Variants in EDA observed in about 807,000 individuals in gnomAD.
The protein encoded by EDA is ectodysplasin A.
A neutral mutation model predicts 23.6 loss-of-function variants in EDA; 2 were observed. The ratio of observed to expected loss-of-function variants is 0.08; its 90% CI spans 0.03 to 0.27. The LOEUF (loss-of-function observed/expected upper bound fraction) is 0.27. Ranked by LOEUF, EDA falls within the 10% of genes least tolerant of loss-of-function variation. EDA has a pLI of 1.00. For missense variants in EDA, 229 were observed against 324.2 expected, an observed-to-expected ratio of 0.71 and a Z score of 2.26; for synonymous variants, 131 against 132.0, an observed-to-expected ratio of 0.99 and a Z score of 0.05.
intron 1 of EDA, among the ~76,000 whole-genome samples, chrX:69,633,307 G>A (rs191788347): frequency 8.9e-6 from 1 of 112,331 alleles, no homozygotes; most frequent in East Asian, 2.8e-4. Flanking sequence ...ATGTTCCTCA[G>A]TGAATATTTA....
At chrX:69,956,305 T>TTCTTTC (rs1184314810) in intron 1 of EDA, among the ~76,000 whole-genome samples, 2 of 59,369 alleles carry the variant, frequency 3.4e-5, no homozygotes, top group South Asian at 1.2e-3. Context: ...CTTTCTTTCT[T>TTCTTTC]TCTTTCTCTT....
chrX:70,000,797 G>T (rs767246863), intron 2 of EDA, among the ~76,000 whole-genome samples: 53 of 112,191 alleles, frequency 4.7e-4, no homozygotes, highest in African/African-American at 1.7e-3. Context: ...GAAGCAATTT[G>T]CTCAGTGTCA....
At chrX:69,698,071 C>T (rs372609835) in intron 1 of EDA, among the ~76,000 whole-genome samples, 6 of 111,479 alleles carry the variant, frequency 5.4e-5, no homozygotes, top group Non-Finnish European at 1.1e-4. Context: ...TATGGGAGTG[C>T]GATAACCCCA....
chrX:69,859,017 A>G (rs2017320842), intron 1 of EDA, among the ~76,000 whole-genome samples: 1 of 111,783 alleles, frequency 8.9e-6, no homozygotes, highest in Non-Finnish European at 1.9e-5. Flanking sequence ...GTTTATGTGC[A>G]TAGAGGTGTT....
Position 69,748,452 on chromosome X carries a change from A to G in EDA, c.396+131748A>G, listed in dbSNP as rs1446047301. Among the ~76,000 whole-genome samples, 4 of 112,101 alleles carry G rather than the reference A, an allele frequency of 3.6e-5. No homozygotes were observed. In the East Asian group the frequency reaches 1.1e-3, roughly 31 times the overall value. ...TTATTACCAAGGACTGTGCTAAAAA[A>G]GCCCGTCGTGTGATATGTTGTAAGT... On this transcript the variant is annotated intron_variant, in intron 1 of 7. Coordinates refer to ENST00000374552, the MANE Select transcript of EDA (RefSeq NM_001399.5).
intron 1 of EDA, among the ~76,000 whole-genome samples, chrX:69,909,027 T>G (rs2018219112): frequency 9.0e-6 from 1 of 111,078 alleles, no homozygotes; most frequent in Admixed American, 9.7e-5. Context: ...CTATCTCTAC[T>G]GGCAGTTTTT....
chrX:69,819,407 A>G (rs1387594941), intron 1 of EDA, among the ~76,000 whole-genome samples: 1 of 112,275 alleles, frequency 8.9e-6, no homozygotes, highest in Non-Finnish European at 1.9e-5. Flanking sequence ...AAATAAGGAT[A>G]TTCAAATAGG....
At chrX:69,752,150 G>A (rs1336696307) in intron 1 of EDA, among the ~76,000 whole-genome samples, 1 of 111,185 alleles carries the variant, frequency 9.0e-6, no homozygotes, top group African/African-American at 3.3e-5. Flanking sequence ...TCCCTGTCTT[G>A]TGCCAGTTTT....
chrX:69,705,557 A>G (rs2011687089), intron 1 of EDA, among the ~76,000 whole-genome samples: 1 of 112,211 alleles, frequency 8.9e-6, no homozygotes, highest in African/African-American at 3.2e-5. Flanking sequence ...TTTTAAAATG[A>G]CCTGCCTGAT....
At chrX:69,631,158 A>G (rs1932563194) in intron 1 of EDA, among the ~76,000 whole-genome samples, 1 of 110,569 alleles carries the variant, frequency 9.0e-6, no homozygotes, top group Non-Finnish European at 1.9e-5. Context: ...AGGTGGGTGG[A>G]TCACCTGAGG....
chrX:69,923,754 T>G (rs5980877), intron 1 of EDA, among the ~76,000 whole-genome samples: 20,129 of 111,061 alleles, frequency 0.18, 1,414 homozygotes, highest in South Asian at 0.23. Flanking sequence ...CATACTGTCT[T>G]CCACAATGGT....
At chrX:69,766,492 T>C (rs1751645910) in intron 1 of EDA, among the ~76,000 whole-genome samples, 1 of 111,036 alleles carries the variant, frequency 9.0e-6, no homozygotes, top group African/African-American at 3.3e-5. Flanking sequence ...CCTCTTTGAG[T>C]CCATGTGTTT....
intron 1 of EDA, among the ~76,000 whole-genome samples, chrX:69,839,872 G>A (rs2016859303): frequency 8.9e-6 from 1 of 112,374 alleles, no homozygotes; most frequent in South Asian, 3.7e-4. Context: ...GGCTAGTTCT[G>A]TACACTGATG....
At chrX:69,624,809 T>TCC (rs1170803615) in intron 1 of EDA, among the ~76,000 whole-genome samples, 1 of 109,034 alleles carries the variant, frequency 9.2e-6, no homozygotes, top group Non-Finnish European at 1.9e-5. Context: ...TCTCTCTCTC[T>TCC]CTCTCTCTCT....
At chrX:69,820,580 G>C (rs890407562) in intron 1 of EDA, among the ~76,000 whole-genome samples, 2 of 112,056 alleles carry the variant, frequency 1.8e-5, no homozygotes, top group Non-Finnish European at 3.8e-5. Context: ...GGTGGTCAAA[G>C]GACATGAACA....
chrX:69,893,936 C>A (rs1419243699), intron 1 of EDA, among the ~76,000 whole-genome samples: 1 of 112,112 alleles, frequency 8.9e-6, no homozygotes, highest in Non-Finnish European at 1.9e-5. Context: ...CCAGCACCAA[C>A]TTTCTGGGAT....
chrX:70,006,846 G>A (rs1418731593), intron 2 of EDA, among the ~76,000 whole-genome samples: 2 of 110,561 alleles, frequency 1.8e-5, no homozygotes, highest in East Asian at 5.7e-4. Context: ...TTATTGCCAA[G>A]CCCAAGGTCA....
chrX:69,683,497 A>G (rs1934445019), intron 1 of EDA, among the ~76,000 whole-genome samples: 1 of 111,297 alleles, frequency 9.0e-6, no homozygotes, highest in African/African-American at 3.3e-5. Flanking sequence ...TGATTTTCTG[A>G]TCTTTCTCCC....
intron 2 of EDA, among the ~76,000 whole-genome samples, chrX:69,968,351 A>G (rs1416715979): frequency 1.8e-5 from 2 of 112,005 alleles, no homozygotes; most frequent in African/African-American, 6.5e-5. Flanking sequence ...TGGGACTTTG[A>G]TGAAGAAAGC....
Sources: allele counts gnomAD v4.1 joint callset (sites outside exome capture counted in the v4.1 genomes callset), GRCh38; gene constraint gnomAD v4.1.1; transcripts MANE v1.5; gene names NCBI Gene and HGNC (gene_info 2026-07-23, HGNC 2026-07-21).